NCOA1: variants seen among roughly 807,000 people sequenced by gnomAD.
The protein encoded by NCOA1 is Hin-2 protein.
Under a neutral mutation model 150.9 loss-of-function variants are expected in NCOA1, and 35 were observed. That is an observed-to-expected ratio of 0.23 (90% CI 0.18 to 0.31). The LOEUF (loss-of-function observed/expected upper bound fraction) is 0.31. Ranked by LOEUF, NCOA1 falls within the 10% of genes least tolerant of loss-of-function variation. The pLI, the probability that NCOA1 is intolerant of heterozygous loss-of-function variation, is 1.00. For synonymous variants in NCOA1, 590 were observed against 630.0 expected (o/e 0.94, Z 0.95); for missense variants, 1,491 against 1,749.3 (o/e 0.85, Z 2.63).
chr2:24,636,965 A>G (rs1313801137), intron 3 of NCOA1, among the ~76,000 whole-genome samples: 1 of 152,024 alleles, frequency 6.6e-6, no homozygotes. Flanking sequence ...TATGGGATAC[A>G]TAGTGATGTC....
chr2:24,702,675 C>A (rs1340844604), intron 11 of NCOA1, among the ~76,000 whole-genome samples: 2 of 152,142 alleles, frequency 1.3e-5, no homozygotes, highest in African/African-American at 4.8e-5. Context: ...CAATAATAGT[C>A]CTTCAATATT....
chr2:24,515,946 A>G (rs1012726139), intron 1 of NCOA1, among the ~76,000 whole-genome samples: 2 of 152,162 alleles, frequency 1.3e-5, no homozygotes, highest in African/African-American at 4.8e-5. Flanking sequence ...AGCTCCTTCA[A>G]GAAAGAAGTT....
intron 17 of NCOA1, among the ~76,000 whole-genome samples, chr2:24,738,684 A>G (rs1663450445): frequency 6.6e-6 from 1 of 152,222 alleles, no homozygotes; most frequent in Non-Finnish European, 1.5e-5. Context: ...AAATTTCTGC[A>G]GTAAATAAAT....
At chr2:24,746,038 C>G (rs979389716) in intron 19 of NCOA1, among the ~76,000 whole-genome samples, 2 of 152,232 alleles carry the variant, frequency 1.3e-5, no homozygotes, top group African/African-American at 4.8e-5. Context: ...ACCTAGCTGC[C>G]TTTCTTTTTA....
Position 24,569,742 on chromosome 2 carries a change from C to T in NCOA1, c.-260+5312C>T, listed in dbSNP as rs540885027. 4.8e-3 allele frequency among the ~76,000 whole-genome samples: 721 copies of T among 150,104 alleles called. 3 individuals are homozygous for T. The highest frequency in any genetic ancestry group is 4.6e-3 in the Non-Finnish European group (311 of 67,424). On this transcript the variant is annotated intron_variant, in intron 2 of 22. Coordinates refer to ENST00000348332, the MANE Select transcript of NCOA1 (RefSeq NM_003743.5). ...AAAATTAGCTGGGTGCAGTGGCAGG[C>T]GCCCGTAATCCCAGCTACTTGGGAG...
chr2:24,752,186 C>T (rs1017015527), intron 20 of NCOA1, 30 bp downstream of exon 20: 8 of 1,601,992 alleles, frequency 5.0e-6, no homozygotes, highest in Non-Finnish European at 6.8e-6. Flanking sequence ...ATATGAGCAT[C>T]CTTGATACTG....
chr2:24,693,124 G>A, intron 9 of NCOA1, 128 bp from the exon 10 acceptor site: 2 of 816,862 alleles, frequency 2.4e-6, no homozygotes, highest in South Asian at 3.1e-5. Flanking sequence ...AAAGTGCTGG[G>A]ATTACAGGCG....
chr2:24,548,093 G>A (rs1665678146), intron 1 of NCOA1, among the ~76,000 whole-genome samples: 1 of 151,114 alleles, frequency 6.6e-6, no homozygotes, highest in Non-Finnish European at 1.5e-5. Flanking sequence ...GTATAGTATT[G>A]TATTACTCTG....
intron 7 of NCOA1, among the ~76,000 whole-genome samples, chr2:24,681,336 C>CA (rs1021896483): frequency 3.3e-5 from 5 of 149,294 alleles, no homozygotes; most frequent in East Asian, 2.0e-4. Flanking sequence ...TGCACTCTCT[C>CA]AAAAAAAAGG....
At chr2:24,652,806 AT>A (rs1162722992) in intron 4 of NCOA1, among the ~76,000 whole-genome samples, 2 of 152,164 alleles carry the variant, frequency 1.3e-5, no homozygotes, top group Non-Finnish European at 2.9e-5. Context: ...CTCTTTTTAA[AT>A]AGTGATATGC....
At chr2:24,498,538 T>A (rs902620289) in intron 1 of NCOA1, among the ~76,000 whole-genome samples, 4 of 152,122 alleles carry the variant, frequency 2.6e-5, no homozygotes, top group Non-Finnish European at 4.4e-5. Context: ...GACTTGGTGG[T>A]AGACAAAAGC....
chr2:24,742,240 T>G, intron 19 of NCOA1, 54 bp downstream of exon 19: 1 of 1,523,984 alleles, frequency 6.6e-7, no homozygotes, highest in Non-Finnish European at 8.8e-7. Flanking sequence ...GGCTTAGGTC[T>G]CTCTCCATCT....
At chr2:24,643,079 T>C (rs894883165) in intron 3 of NCOA1, among the ~76,000 whole-genome samples, 1 of 152,162 alleles carries the variant, frequency 6.6e-6, no homozygotes, top group Non-Finnish European at 1.5e-5. Context: ...TAAAATGTCA[T>C]AGAATTGTAA....
intron 3 of NCOA1, among the ~76,000 whole-genome samples, chr2:24,620,092 T>C (rs1669057698): frequency 6.6e-6 from 1 of 152,170 alleles, no homozygotes; most frequent in African/African-American, 2.4e-5. Context: ...TTTTTCTGGG[T>C]AAAATTCTTA....
intron 2 of NCOA1, among the ~76,000 whole-genome samples, chr2:24,568,123 C>T (rs915496869): frequency 1.3e-5 from 2 of 152,062 alleles, no homozygotes; most frequent in Non-Finnish European, 2.9e-5. Flanking sequence ...TGTCATTTTC[C>T]ATTTTGAAAA....
At chr2:24,651,540 A>G (rs1017114669) in intron 4 of NCOA1, among the ~76,000 whole-genome samples, 2 of 152,106 alleles carry the variant, frequency 1.3e-5, no homozygotes, top group Non-Finnish European at 2.9e-5. Flanking sequence ...AAACATTGCC[A>G]TAGTGGGGAA....
intron 2 of NCOA1, among the ~76,000 whole-genome samples, chr2:24,581,364 G>A (rs116111570): frequency 0.015 from 2,300 of 152,348 alleles, 27 homozygotes; most frequent in Non-Finnish European, 0.02. Flanking sequence ...ACCATTGTGG[G>A]GAGAATTGAG....
At chr2:24,633,106 A>G (rs765264269) in intron 3 of NCOA1, among the ~76,000 whole-genome samples, 1 of 152,192 alleles carries the variant, frequency 6.6e-6, no homozygotes, top group African/African-American at 2.4e-5. Flanking sequence ...ATATACATAT[A>G]CACACGTACA....
chr2:24,528,840 G>A (rs1664761583), intron 1 of NCOA1, among the ~76,000 whole-genome samples: 1 of 151,992 alleles, frequency 6.6e-6, no homozygotes, highest in African/African-American at 2.4e-5. Flanking sequence ...TTCATTTATT[G>A]TCTGGCTTAC....
Sources: gnomAD v4.1 joint callset for allele counts (sites outside exome capture counted in the v4.1 genomes callset) on GRCh38, gnomAD v4.1.1 for gene constraint, MANE v1.5 for transcripts, NCBI Gene and HGNC (gene_info 2026-07-23, HGNC 2026-07-21) for gene names.